DAPK2: variants seen among roughly 807,000 people sequenced by gnomAD.
The protein encoded by DAPK2 is death associated protein kinase 2, also known as death-associated protein kinase 2.
DAPK2 carries 35 observed loss-of-function variants against 44.1 expected under a neutral mutation model. That is an observed-to-expected ratio of 0.79 (90% CI 0.61 to 1.05). DAPK2 has a LOEUF of 1.05. DAPK2 is among the 50% of genes least tolerant of loss of function. The probability of loss-of-function intolerance (pLI) is 0.00; values close to 1 mark genes in which losing one functional copy is unlikely to be tolerated. For synonymous variants in DAPK2, 174 were observed against 182.6 expected (o/e 0.95, Z 0.38); for missense variants, 453 against 483.2 (o/e 0.94, Z 0.59).
chr15:63,936,979 C>CAAAA lies in DAPK2; in HGVS notation c.583+2249_583+2252dup, dbSNP rs56052031. On this transcript the variant is annotated intron_variant, in intron 4 of 10. Coordinates refer to ENST00000261891, the Ensembl canonical transcript of DAPK2. ...TGGGTGACAGAGTGAGACCCTGTCT[C>CAAAA]AAAAAAAAAAAAAAAAAAAAATCCA... is the stretch of plus-strand genomic sequence containing the variant. 3.7e-3 allele frequency among the ~76,000 whole-genome samples: 484 copies of CAAAA among 129,498 alleles called. 3 individuals carry two copies. The highest frequency in any genetic ancestry group is 7.2e-3 in the Admixed American group (89 of 12,352). The allele number at this position is 129,498 out of a possible 152,430, so 85.0% of individuals were successfully genotyped here. A position where few individuals can be genotyped will look rare whatever the true frequency, so the allele number is the denominator to read the frequency against.
At chr15:63,927,721 G>A (rs1297722147) in intron 6 of DAPK2, among the ~76,000 whole-genome samples, 1 of 149,408 alleles carries the variant, frequency 6.7e-6, no homozygotes, top group Admixed American at 6.8e-5. Context: ...AAGACTATGT[G>A]CTCAGTAGAC....
rs1427231981 is a variant in DAPK2 at position 63,916,927 on chromosome 15, G to A, written c.859-4730C>T. The A allele has an allele frequency of 6.6e-6, 1 of 152,208 alleles. No individual in the cohort carries two copies. Among genetic ancestry groups the A allele is most frequent in the Non-Finnish European group, 1.5e-5 (1 of 68,060 alleles). The allele number at this position is 152,208 out of a possible 1,614,324, so 9.4% of individuals were successfully genotyped here. A position where few individuals can be genotyped will look rare whatever the true frequency, so the allele number is the denominator to read the frequency against. On this transcript the variant is annotated intron_variant, in intron 8 of 10. Transcript: ENST00000261891. This position sits in a 1 kb window ranked among gnomAD's most constrained non-coding sequence, Gnocchi z 4.7. ...ACCAAATGCCACATGTGGACTGTTT[G>A]GATCCTGATTTGAACAAACCAGCTG...
chr15:63,974,817 A>G (rs2078300621), intron 2 of DAPK2, among the ~76,000 whole-genome samples: 2 of 152,132 alleles, frequency 1.3e-5, no homozygotes, highest in Admixed American at 6.5e-5. Flanking sequence ...AAATACTTCT[A>G]TTTCTTTCAG....
intron 1 of DAPK2, among the ~76,000 whole-genome samples, chr15:63,998,820 G>A (rs897668329): frequency 4.6e-5 from 7 of 152,212 alleles, no homozygotes; most frequent in Non-Finnish European, 7.3e-5. Flanking sequence ...ACTGTTGTGC[G>A]TTTGTGCTGG....
In DAPK2 at chr15:63,939,221, C is replaced by G; in HGVS notation, c.583+11G>C. ...ATTCTTAGCTGAAAGACAAACAGGC[C>G]TACAACTCACCAACAAATTCCGGCG... On this transcript the variant is annotated intron_variant, in intron 4 of 10. Coordinates refer to ENST00000261891, the Ensembl canonical transcript of DAPK2. This position sits in a 1 kb window ranked among gnomAD's most constrained non-coding sequence, Gnocchi z 4.3. 1.2e-6 allele frequency: 2 copies of G among 1,613,380 alleles called. No homozygotes were observed. The highest frequency in any genetic ancestry group is 1.7e-6 in the Non-Finnish European group (2 of 1,179,798).
At chr15:63,976,758 A>G (rs1272982482) in intron 2 of DAPK2, among the ~76,000 whole-genome samples, 1 of 152,236 alleles carries the variant, frequency 6.6e-6, no homozygotes, top group Non-Finnish European at 1.5e-5. Context: ...TAAAATTCAC[A>G]CTGGATTTTG....
chr15:63,945,762 G>A (rs771741416), intron 3 of DAPK2, among the ~76,000 whole-genome samples: 4 of 152,184 alleles, frequency 2.6e-5, no homozygotes, highest in Non-Finnish European at 4.4e-5. Context: ...GGCATCCAAA[G>A]CCCCTTCAAG....
intron 10 of DAPK2, 126 bp downstream of exon 11, chr15:63,911,782 G>C: frequency 1.1e-6 from 1 of 917,702 alleles, no homozygotes; most frequent in Non-Finnish European, 1.7e-6. Context: ...AGGAGGACTG[G>C]GCCAGCAGAA....
At chr15:63,946,753 C>A (rs780966671) in intron 3 of DAPK2, among the ~76,000 whole-genome samples, 20 of 152,192 alleles carry the variant, frequency 1.3e-4, no homozygotes, top group East Asian at 3.8e-4. Context: ...TGTGGCCTGC[C>A]TGCTGCTGAG....
chr15:64,037,406 T>C (rs963609494), intron 1 of DAPK2, among the ~76,000 whole-genome samples: 1 of 152,164 alleles, frequency 6.6e-6, no homozygotes, highest in Non-Finnish European at 1.5e-5. Flanking sequence ...TGGAATTACA[T>C]CCCCATGCCC....
chr15:63,954,473 T>C (rs969585491), intron 3 of DAPK2, among the ~76,000 whole-genome samples: 2 of 152,202 alleles, frequency 1.3e-5, no homozygotes, highest in African/African-American at 4.8e-5. Flanking sequence ...TATGTATTTG[T>C]TTCTGAGTTC....
chr15:63,972,771 A>C (rs1359344417), intron 2 of DAPK2, among the ~76,000 whole-genome samples: 1 of 152,242 alleles, frequency 6.6e-6, no homozygotes, highest in African/African-American at 2.4e-5. Flanking sequence ...CTCAAAGGGA[A>C]GAAAGCTTAA....
rs1421949573 is a variant in DAPK2 at position 63,939,148 on chromosome 15, T to A, written c.583+84A>T. ...GCATCATCTCTTTGCTCAGAGGCCA[T>A]AGCCCCAGACACAGGTTTCTTCCCA... On this transcript the variant is annotated intron_variant, in intron 4 of 10. Coordinates refer to ENST00000261891, the Ensembl canonical transcript of DAPK2. The surrounding 1 kb of genome is among the most constrained non-coding windows in gnomAD (Gnocchi z 4.3). The A allele has an allele frequency of 6.4e-7, 1 of 1,574,626 alleles. No homozygotes were observed. The highest frequency in any genetic ancestry group is 8.6e-7 in the Non-Finnish European group (1 of 1,162,282).
At chr15:63,925,600 C>T (rs527952976) in intron 7 of DAPK2, among the ~76,000 whole-genome samples, 24 of 151,194 alleles carry the variant, frequency 1.6e-4, no homozygotes, top group Admixed American at 9.9e-4. Flanking sequence ...TTAAACTTTT[C>T]AAATCTGAAT....
chr15:64,007,358 C>G (rs2079261457), intron 1 of DAPK2, among the ~76,000 whole-genome samples: 1 of 152,066 alleles, frequency 6.6e-6, no homozygotes, highest in Non-Finnish European at 1.5e-5. Context: ...CTGGCCCCCA[C>G]TCAGTTTCCA....
chr15:63,952,787 C>A (rs574892811), intron 3 of DAPK2, among the ~76,000 whole-genome samples: 1 of 152,160 alleles, frequency 6.6e-6, no homozygotes, highest in African/African-American at 2.4e-5. Context: ...CAAGCATTTA[C>A]CCTTTGTGTT....
At chr15:63,938,763 C>A (rs545815591) in intron 4 of DAPK2, among the ~76,000 whole-genome samples, 257 of 152,322 alleles carry the variant, frequency 1.7e-3, no homozygotes, top group African/African-American at 5.6e-3. Flanking sequence ...AGCTGGGCAC[C>A]CCCATGCATG....
chr15:63,962,732 C>T (rs1446464277), intron 3 of DAPK2, among the ~76,000 whole-genome samples: 2 of 152,210 alleles, frequency 1.3e-5, no homozygotes, highest in African/African-American at 4.8e-5. Context: ...AGAGGGGCAC[C>T]TGGCTGTATG....
At chr15:63,945,104 A>T (rs368056815) in intron 3 of DAPK2, among the ~76,000 whole-genome samples, 1 of 152,120 alleles carries the variant, frequency 6.6e-6, no homozygotes, top group Non-Finnish European at 1.5e-5. Flanking sequence ...AGCTCAAGTG[A>T]TCCTCCCCGC....
Sources: gnomAD v4.1 joint callset for allele counts (sites outside exome capture counted in the v4.1 genomes callset) on GRCh38, gnomAD v4.1.1 for gene constraint, Gnocchi (gnomAD v3.1) non-coding constraint, MANE v1.5 for transcripts, NCBI Gene and HGNC (gene_info 2026-07-23, HGNC 2026-07-21) for gene names.